DIP2A: variants seen among roughly 807,000 people sequenced by gnomAD.
DIP2A encodes disco-interacting protein 2 homolog A.
Under a neutral mutation model 177.4 loss-of-function variants are expected in DIP2A, and 85 were observed. The ratio of observed to expected loss-of-function variants is 0.48; its 90% CI spans 0.40 to 0.57. The LOEUF (loss-of-function observed/expected upper bound fraction) is 0.57. DIP2A is among the 20% of genes least tolerant of loss of function. DIP2A has a pLI of 0.00. For missense variants in DIP2A, 1,791 were observed against 2,100.2 expected, an observed-to-expected ratio of 0.85 and a Z score of 2.88; for synonymous variants, 886 against 881.8, an observed-to-expected ratio of 1.00 and a Z score of -0.08.
At position 46,557,744 on chromosome 21, in the gene DIP2A, T is replaced by A; in HGVS notation, c.3789T>A (p.Gly1263=). The A allele has an allele frequency of 6.2e-7, 1 of 1,609,500 alleles. No homozygotes were observed. Among genetic ancestry groups the A allele is most frequent in the Non-Finnish European group, 8.5e-7 (1 of 1,176,398 alleles). Residue 1263 remains glycine, a synonymous_variant, in exon 31 of 38, where the codon GGT becomes GGA. Transcript: ENST00000417564. This position sits in a 1 kb window ranked among gnomAD's most constrained non-coding sequence, Gnocchi z 6.0. ...MCTKGLGAQT[G]VLRMKGVNLS... is the part of the protein sequence containing the mutation. ...CCAAGGGCCTAGGCGCACAGACGGG[T>A]GTCCTCAGGGTGAGTGCCCAGACCC...
intron 13 of DIP2A, among the ~76,000 whole-genome samples, chr21:46,536,884 A>G (rs1485015990): frequency 2.0e-5 from 3 of 150,918 alleles, no homozygotes; most frequent in African/African-American, 7.3e-5. Context: ...AGCCTGGGCA[A>G]CAGAGCAAGA....
chr21:46,538,312 T>C (rs2839312), intron 15 of DIP2A, among the ~76,000 whole-genome samples, 171 bp from the exon 16 acceptor site: 46,440 of 152,064 alleles, frequency 0.31, 7,267 homozygotes, highest in East Asian at 0.42. Flanking sequence ...TTTGAGGGTT[T>C]GTTAGACTGC....
At position 46,527,924 on chromosome 21, in the gene DIP2A, C is replaced by T. The variant is rs1479943037; in HGVS notation, c.1103-1168C>T. Among the ~76,000 whole-genome samples the T allele has an allele frequency of 2.0e-5, 3 of 152,300 alleles. 1 individual carries two copies. The East Asian group carries it at 5.8e-4, about 29-fold the overall frequency. ...CCCTGCCTCTGTCGTCCTCTCTAGA[C>T]ACCCCCAGTCCTCTAGGCTTTTCCT... is the stretch of plus-strand genomic sequence containing the variant. On this transcript the variant is annotated intron_variant, in intron 8 of 37. Coordinates refer to ENST00000417564, the MANE Select transcript of DIP2A (RefSeq NM_015151.4).
rs925033801 is a variant in DIP2A, at chr21:46,461,913, T to C, written c.91+2691T>C. Among the ~76,000 whole-genome samples the C allele has an allele frequency of 8.8e-5, 12 of 137,012 alleles. 1 individual carries two copies. The highest frequency in any genetic ancestry group is 8.6e-4 in the Admixed American group (12 of 14,006). 89.9% of individuals were successfully genotyped at this position (137,012 alleles called of 152,430 possible). ...TGCCTCTTCCAAAAAAAAAAAAAAA[T>C]TGGCTGGGCATGGTGGTGTGTGCCT... On this transcript the variant is annotated intron_variant, in intron 1 of 37. Transcript: ENST00000417564.
rs543433778 is a variant in DIP2A at position 46,551,627 on chromosome 21, T to C, written c.2840-7T>C. The C allele has an allele frequency of 3.1e-6, 5 of 1,612,848 alleles. No homozygotes were observed. Among genetic ancestry groups the C allele is most frequent in the East Asian group, 2.2e-5 (1 of 44,872 alleles). ...CAGCTTTTCATTCAGAGTTCCCCCGTTTCTAGAGGTTGGACCAGCCTCAAT... is the reference window on the plus strand; with the variant it reads ...CAGCTTTTCATTCAGAGTTCCCCCGCTTCTAGAGGTTGGACCAGCCTCAAT... On this transcript the variant is annotated splice_polypyrimidine_tract_variant and splice_region_variant and intron_variant, in intron 23 of 37. Transcript: ENST00000417564.
chr21:46,567,326 C>T (rs748286690), intron 37 of DIP2A, 44 bp from the exon 38 acceptor site: 33 of 1,580,830 alleles, frequency 2.1e-5, no homozygotes, highest in Non-Finnish European at 2.8e-5. Context: ...GCCCCTGTGA[C>T]CTGTGCCTGT....
intron 3 of DIP2A, among the ~76,000 whole-genome samples, chr21:46,494,258 C>A (rs1010371313): frequency 2.0e-5 from 3 of 152,136 alleles, no homozygotes; most frequent in African/African-American, 7.2e-5. Flanking sequence ...CCTCTATGAA[C>A]CTTAGTTTGT....
At position 46,498,652 on chromosome 21, in the gene DIP2A, G is replaced by A. The variant is rs764464736; in HGVS notation, c.474G>A (p.Gln158=). 1.9e-6 allele frequency: 3 copies of A among 1,613,708 alleles called. No individual in the cohort carries two copies. The Admixed American group carries it at 5.0e-5, about 27-fold the overall frequency. The part of the protein sequence containing the change: ...RPGRLTSTPL[Q]SHSSVEPWLD... ...GGCGACTCACCTCCACTCCGCTCCA[G>A]AGCCATTCCAGCGTCGAGCCCTGGC... Residue 158 remains glutamine (Q), a synonymous_variant, in exon 5 of 38, where the codon CAG becomes CAA. Transcript: ENST00000417564. The surrounding 1 kb of genome is among the most constrained non-coding windows in gnomAD (Gnocchi z 4.3).
intron 1 of DIP2A, among the ~76,000 whole-genome samples, chr21:46,482,029 A>G (rs1001945831): frequency 2.0e-5 from 3 of 152,316 alleles, no homozygotes; most frequent in African/African-American, 7.2e-5. Context: ...ATCCTGGGTG[A>G]CAGAGCAAAA....
At chr21:46,558,567 T>A (rs1292179651) in intron 32 of DIP2A, 174 bp downstream of exon 32, 3 of 674,328 alleles carry the variant, frequency 4.4e-6, no homozygotes, top group Non-Finnish European at 5.0e-6. Flanking sequence ...TTTTTAAAGA[T>A]GTTCTATTCT....
chr21:46,519,372 C>G (rs1205501712), intron 8 of DIP2A, among the ~76,000 whole-genome samples: 1 of 152,142 alleles, frequency 6.6e-6, no homozygotes, highest in Non-Finnish European at 1.5e-5. Context: ...CTTATTTTAC[C>G]TAGCCCCTAT....
In DIP2A at chr21:46,534,036, G is replaced by T. The variant is rs1474829896; in HGVS notation, c.1462G>T (p.Gly488Trp). ...WPPLSWLVID[G>W]KHLAKPPKDW... ...CCCGCTCTCCTGGCTAGTGATTGAT[G>T]GGAAGCATCTAGCCAAGCCCCCAAA... The change falls in exon 12 of 38, where the codon GGG becomes TGG. Residue 488 changes from glycine to tryptophan, a missense_variant. Coordinates refer to ENST00000417564, the MANE Select transcript of DIP2A (RefSeq NM_015151.4). 3 of 1,613,638 alleles carry T rather than the reference G, an allele frequency of 1.9e-6. No individual in the cohort carries two copies. In the African/African-American group the frequency reaches 4.0e-5, roughly 22 times the overall value.
At chr21:46,549,061 A>G (rs999910605) in intron 21 of DIP2A, among the ~76,000 whole-genome samples, 12 of 152,236 alleles carry the variant, frequency 7.9e-5, no homozygotes, top group African/African-American at 2.9e-4. Context: ...AAATAAATTC[A>G]AGATGTGCTA....
At chr21:46,572,786 A>G (rs75396229), downstream of DIP2A, among the ~76,000 whole-genome samples, 307 of 152,346 alleles carry the variant, frequency 2.0e-3, 1 homozygote, top group African/African-American at 7.1e-3. Flanking sequence ...GCAACATACA[A>G]TGGACTGAGT....
intron 6 of DIP2A, among the ~76,000 whole-genome samples, 176 bp from the exon 7 acceptor site, chr21:46,509,081 C>T (rs1275474913): frequency 6.6e-6 from 1 of 152,164 alleles, no homozygotes; most frequent in Non-Finnish European, 1.5e-5. Flanking sequence ...TCCTGGAAGG[C>T]ATTCAGTAAG....
chr21:46,551,868 T>C lies in DIP2A; in HGVS notation c.2994T>C (p.Thr998=). The change falls in exon 25 of 38, where the codon ACT becomes ACC. Residue 998 remains threonine (T), a synonymous_variant. Coordinates refer to ENST00000417564, the MANE Select transcript of DIP2A (RefSeq NM_015151.4). ...ADVLQWRAHT[T]PDHPLFLLLN... ...TGCTGCAGTGGCGTGCCCACACCAC[T>C]CCTGACCACCCGCTGTTCTTGCTGC... 6.2e-7 allele frequency: 1 copy of C among 1,611,012 alleles called. No homozygotes were observed.
chr21:46,493,913 C>A (rs780193341), intron 3 of DIP2A, among the ~76,000 whole-genome samples: 1 of 152,176 alleles, frequency 6.6e-6, no homozygotes, highest in Non-Finnish European at 1.5e-5. Flanking sequence ...CATCCATGCC[C>A]TGCCTTGGAT....
chr21:46,559,580 T>G (rs972584007), intron 32 of DIP2A, among the ~76,000 whole-genome samples: 4 of 152,206 alleles, frequency 2.6e-5, no homozygotes, highest in Admixed American at 6.5e-5. Context: ...TGGCTGAGCG[T>G]GGGTGCCGGC....
chr21:46,509,254 C>G lies in DIP2A; in HGVS notation c.785-3C>G, dbSNP rs1366160199. On this transcript the variant is annotated splice_polypyrimidine_tract_variant and splice_region_variant and intron_variant, in intron 6 of 37. Coordinates refer to ENST00000417564, the MANE Select transcript of DIP2A (RefSeq NM_015151.4). ...CAGTGCTCCTCTGTCCTTCCCGTGA[C>G]AGGTGTCCCTGTGAACAGCAGAGTG... 2 of 1,611,360 alleles carry G rather than the reference C, an allele frequency of 1.2e-6. No homozygotes were observed. The highest frequency in any genetic ancestry group is 2.7e-5 in the African/African-American group (2 of 74,796).
Sources: allele counts gnomAD v4.1 joint callset (sites outside exome capture counted in the v4.1 genomes callset), GRCh38; gene constraint gnomAD v4.1.1; non-coding constraint Gnocchi (gnomAD v3.1); transcripts MANE v1.5; gene names NCBI Gene and HGNC (gene_info 2026-07-23, HGNC 2026-07-21).